The following GRIP1 variants were observed in gnomAD, a reference collection of about 807,000 sequenced individuals.
The protein encoded by GRIP1 is glutamate receptor interacting protein 1, also known as glutamate receptor-interacting protein 1.
A neutral mutation model predicts 129.9 loss-of-function variants in GRIP1; 45 were observed. The observed-to-expected ratio is 0.35, with a 90% confidence interval of 0.27 to 0.44. The LOEUF (loss-of-function observed/expected upper bound fraction) is 0.44, where lower values mean the gene tolerates loss of function less well. Ranked by LOEUF, GRIP1 falls within the 20% of genes least tolerant of loss-of-function variation. The probability of loss-of-function intolerance (pLI) is 1.00; values close to 1 mark genes in which losing one functional copy is unlikely to be tolerated. For missense variants in GRIP1, 1,196 were observed against 1,396.8 expected (o/e 0.86, Z 2.29); for synonymous variants, 530 against 520.8 (o/e 1.02, Z -0.24).
intron 15 of GRIP1, among the ~76,000 whole-genome samples, chr12:66,410,057 C>A (rs897091917): frequency 6.7e-6 from 1 of 148,238 alleles, no homozygotes; most frequent in Admixed American, 6.7e-5. Flanking sequence ...GAGACCATCC[C>A]GGCTAAAACG....
At chr12:66,372,019 G>T in intron 22 of GRIP1, 92 bp from the exon 23 acceptor site, 1 of 845,886 alleles carries the variant, frequency 1.2e-6, no homozygotes, top group African/African-American at 1.6e-5. Context: ...CTTCTGCGAG[G>T]TAAAAATACA....
At chr12:66,736,257 G>A (rs1483835362) in intron 1 of GRIP1, among the ~76,000 whole-genome samples, 3 of 147,870 alleles carry the variant, frequency 2.0e-5, no homozygotes, top group Admixed American at 6.9e-5. Context: ...ATAGCTCACT[G>A]TAACCTCCAA....
chr12:66,767,152 G>C (rs902001084), intron 1 of GRIP1, among the ~76,000 whole-genome samples: 1 of 152,090 alleles, frequency 6.6e-6, no homozygotes, highest in South Asian at 2.1e-4. Context: ...AAAGCCATTG[G>C]ATAGCTTTTG....
intron 1 of GRIP1, among the ~76,000 whole-genome samples, chr12:66,769,337 C>T (rs1197090695): frequency 1.3e-5 from 2 of 151,782 alleles, no homozygotes; most frequent in African/African-American, 2.4e-5. Context: ...GGTGAGGCCT[C>T]GTAAACTTCA....
chr12:66,704,850 CAA>C (rs1304827945), intron 1 of GRIP1, among the ~76,000 whole-genome samples: 1 of 152,086 alleles, frequency 6.6e-6, no homozygotes, highest in Non-Finnish European at 1.5e-5. Flanking sequence ...CCATTTCATT[CAA>C]GTCTCAGCCT....
intron 1 of GRIP1, among the ~76,000 whole-genome samples, chr12:66,707,031 TAA>T (rs2035554250): frequency 2.6e-5 from 4 of 151,838 alleles, no homozygotes; most frequent in Admixed American, 2.6e-4. Context: ...TACTACCACT[TAA>T]GTTTGAACAA....
In GRIP1 at chr12:66,420,804, A is replaced by G. The variant is rs1351652971; in HGVS notation, c.1769-15T>C. 2 of 1,422,674 alleles carry G rather than the reference A, an allele frequency of 1.4e-6. No individual in the cohort carries two copies. Among genetic ancestry groups the G allele is most frequent in the Non-Finnish European group, 2.0e-6 (2 of 1,005,144 alleles). The allele number at this position is 1,422,674 out of a possible 1,614,324, so 88.1% of individuals were successfully genotyped here. A position where few individuals can be genotyped will look rare whatever the true frequency, so the allele number is the denominator to read the frequency against. ...ACTGGATGGTGCTGTAATAATGGAG[A>G]TAGAATAATCACATCTTTATATCCA... On this transcript the variant is annotated splice_polypyrimidine_tract_variant and intron_variant, in intron 14 of 24. Coordinates refer to ENST00000359742, the MANE Select transcript of GRIP1 (RefSeq NM_001366722.1).
chr12:66,740,419 T>C (rs1449542169), intron 1 of GRIP1, among the ~76,000 whole-genome samples: 1 of 152,158 alleles, frequency 6.6e-6, no homozygotes, highest in Non-Finnish European at 1.5e-5. Context: ...ACAAAGGATG[T>C]TAAGACTGCA....
rs367709432 is a variant in GRIP1, at chr12:66,348,339, T to TAA, written c.*678_*679dup. The TAA allele has an allele frequency of 4.0e-5, 6 of 148,464 alleles. No individual in the cohort carries two copies. The South Asian group carries it at 6.3e-4, about 16-fold the overall frequency. 9.2% of individuals were successfully genotyped at this position (148,464 alleles called of 1,614,324 possible). A position where few individuals can be genotyped will look rare whatever the true frequency, so the allele number is the denominator to read the frequency against. ...TTTTCAGCTATTAAAAATGTGTCCT[T>TAA]AAAAAAAAAACAGGTCACAAGACAT... is the stretch of plus-strand genomic sequence containing the variant. On this transcript the variant is annotated 3_prime_UTR_variant, in exon 25 of 25. Coordinates refer to ENST00000359742, the MANE Select transcript of GRIP1 (RefSeq NM_001366722.1).
chr12:66,761,296 G>C (rs1414863644), intron 1 of GRIP1, among the ~76,000 whole-genome samples: 5 of 151,998 alleles, frequency 3.3e-5, no homozygotes, highest in Non-Finnish European at 7.4e-5. Context: ...TTAAGTACAT[G>C]CATCTTTGTC....
intron 1 of GRIP1, among the ~76,000 whole-genome samples, chr12:66,914,835 C>A (rs1043747900): frequency 6.6e-6 from 1 of 152,158 alleles, no homozygotes; most frequent in African/African-American, 2.4e-5. Context: ...TGAATTAAAT[C>A]AGACTAAGCC....
intron 1 of GRIP1, among the ~76,000 whole-genome samples, chr12:66,875,318 A>T (rs1300758786): frequency 6.6e-6 from 1 of 152,064 alleles, no homozygotes; most frequent in Non-Finnish European, 1.5e-5. Context: ...CACCATCAAA[A>T]TATGTAAATT....
intron 1 of GRIP1, among the ~76,000 whole-genome samples, chr12:66,614,081 G>A (rs1351887057): frequency 6.6e-6 from 1 of 151,968 alleles, no homozygotes; most frequent in Non-Finnish European, 1.5e-5. Flanking sequence ...ACCTCTGTTG[G>A]TGCCTCCTTC....
intron 1 of GRIP1, among the ~76,000 whole-genome samples, chr12:67,011,268 A>C (rs2042703498): frequency 6.6e-6 from 1 of 152,146 alleles, no homozygotes; most frequent in African/African-American, 2.4e-5. Flanking sequence ...CCCAGATTCC[A>C]TGCCCTCTTT....
chr12:66,594,352 T>G (rs937710006), intron 2 of GRIP1, among the ~76,000 whole-genome samples: 14 of 152,212 alleles, frequency 9.2e-5, no homozygotes, highest in Non-Finnish European at 1.9e-4. Flanking sequence ...ACTGTAAATG[T>G]CATCTAGATT....
intron 2 of GRIP1, among the ~76,000 whole-genome samples, chr12:66,594,067 C>CAAAAA (rs10661389): frequency 1.1e-4 from 6 of 52,928 alleles, no homozygotes; most frequent in Admixed American, 2.7e-4. Context: ...GACTCCGTCT[C>CAAAAA]AAAAAAAAAA....
intron 1 of GRIP1, among the ~76,000 whole-genome samples, chr12:66,827,393 A>T (rs201251142): frequency 0.051 from 5,407 of 106,358 alleles, 120 homozygotes; most frequent in Non-Finnish European, 0.072. Flanking sequence ...TGTGTGAGAG[A>T]GAGAGAGAGA....
rs543928521 is a variant in GRIP1, at chr12:67,061,169, GA to G, written c.58+7880del. ...ACTTCATTTTGGAAGACTACGGATT[GA>G]AATTTTTTAATAAAAATTTCCAATT... On this transcript the variant is annotated intron_variant, in intron 1 of 1. Coordinates refer to the GRIP1 transcript ENST00000643019. Among the ~76,000 whole-genome samples, 230 of 152,292 alleles carry G rather than the reference GA, an allele frequency of 1.5e-3. 2 individuals are homozygous for G. The highest frequency in any genetic ancestry group is 5.0e-3 in the African/African-American group (206 of 41,564).
chr12:66,523,006 C>T (rs1346383654), intron 5 of GRIP1, among the ~76,000 whole-genome samples: 5 of 152,098 alleles, frequency 3.3e-5, no homozygotes, highest in African/African-American at 4.8e-5. Flanking sequence ...ACAAACAAAG[C>T]CTCCAAGAAA....
Sources: allele counts gnomAD v4.1 joint callset (sites outside exome capture counted in the v4.1 genomes callset), GRCh38; gene constraint gnomAD v4.1.1; transcripts MANE v1.5; gene names NCBI Gene and HGNC (gene_info 2026-07-23, HGNC 2026-07-21).